Variants in ZFYVE16 observed in about 807,000 individuals in gnomAD.
ZFYVE16 encodes the protein zinc finger FYVE-type containing 16.
A neutral mutation model predicts 138.1 loss-of-function variants in ZFYVE16; 89 were observed. The observed-to-expected ratio is 0.64, with a 90% CI of 0.54 to 0.77. The LOEUF is 0.77. Among genes scored for constraint, ZFYVE16 ranks in the 30% least tolerant of loss-of-function variants. The pLI, the probability that ZFYVE16 is intolerant of heterozygous loss-of-function variation, is 0.00. For synonymous variants in ZFYVE16, 596 were observed against 618.3 expected, an observed-to-expected ratio of 0.96 and a Z score of 0.53; for missense variants, 1,793 against 1,786.7, an observed-to-expected ratio of 1.00 and a Z score of -0.06.
chr5:80,416,623 G>T (rs1746300686), intron 1 of ZFYVE16, among the ~76,000 whole-genome samples: 1 of 150,844 alleles, frequency 6.6e-6, no homozygotes. Flanking sequence ...TCCCAGCTTT[G>T]GCCTTTGGGA....
At chr5:80,444,265 T>C (rs367963100) in intron 6 of ZFYVE16, among the ~76,000 whole-genome samples, 1 of 152,272 alleles carries the variant, frequency 6.6e-6, no homozygotes, top group East Asian at 1.9e-4. Flanking sequence ...AGATGAATAA[T>C]TTGTGTTTGA....
chr5:80,464,214 C>T (rs1000937185), intron 15 of ZFYVE16, among the ~76,000 whole-genome samples: 1 of 151,928 alleles, frequency 6.6e-6, no homozygotes, highest in Non-Finnish European at 1.5e-5. Context: ...AGGACATACC[C>T]GAGACTGGGT....
At chr5:80,444,108 A>G (rs1176445736) in intron 6 of ZFYVE16, among the ~76,000 whole-genome samples, 1 of 152,208 alleles carries the variant, frequency 6.6e-6, no homozygotes, top group Non-Finnish European at 1.5e-5. Flanking sequence ...AGTCTGTAAC[A>G]TGCTAGAAAA....
In ZFYVE16 at chr5:80,455,769, CTTG is replaced by C. The variant is rs1353323588; in HGVS notation, c.3690_3690+2del. On this transcript the variant is annotated inframe_deletion and splice_region_variant, in exon 12 of 19. Transcript: ENST00000505560. The stretch of plus-strand genomic sequence containing the variant: ...AATAGGACACACTATTATGAACTTA[CTTG>C]TTGTGAGTAATTGAACTATTTTATT... 3 of 1,572,498 alleles carry C rather than the reference CTTG, an allele frequency of 1.9e-6. No homozygotes were observed. The highest frequency in any genetic ancestry group is 2.3e-5 in the East Asian group (1 of 43,072).
intron 1 of ZFYVE16, among the ~76,000 whole-genome samples, chr5:80,417,570 A>G (rs1746440100): frequency 6.6e-6 from 1 of 152,202 alleles, no homozygotes; most frequent in South Asian, 2.1e-4. Context: ...AGAATGTTAC[A>G]TAATTAGAAT....
At chr5:80,411,939 T>C (rs141867286) in intron 1 of ZFYVE16, among the ~76,000 whole-genome samples, 2,414 of 152,222 alleles carry the variant, frequency 0.016, 34 homozygotes, top group Non-Finnish European at 0.025. Flanking sequence ...AACTTCTCAT[T>C]ATTTTGCCAC....
At chr5:80,469,204 G>C (rs777339859) in intron 15 of ZFYVE16, among the ~76,000 whole-genome samples, 3 of 151,282 alleles carry the variant, frequency 2.0e-5, no homozygotes, top group Non-Finnish European at 4.4e-5. Context: ...CAAGGCTCAG[G>C]CAGTCCTCCC....
At chr5:80,432,224 T>C (rs1749151249) in intron 2 of ZFYVE16, among the ~76,000 whole-genome samples, 1 of 152,190 alleles carries the variant, frequency 6.6e-6, no homozygotes, top group African/African-American at 2.4e-5. Context: ...ATGGTACTGG[T>C]ACCAAAACAG....
At chr5:80,442,573 C>T (rs1179653131) in intron 5 of ZFYVE16, among the ~76,000 whole-genome samples, 1 of 152,066 alleles carries the variant, frequency 6.6e-6, no homozygotes, top group Non-Finnish European at 1.5e-5. Flanking sequence ...GGAATACTTA[C>T]TTGAAGAACA....
At chr5:80,431,324 C>A (rs892879282) in intron 2 of ZFYVE16, among the ~76,000 whole-genome samples, 2 of 152,156 alleles carry the variant, frequency 1.3e-5, no homozygotes, top group South Asian at 2.1e-4. Flanking sequence ...ATAAACAGAA[C>A]CAAAGACAAA....
chr5:80,452,593 A>G (rs1254550081), intron 11 of ZFYVE16: 1 of 152,174 alleles, frequency 6.6e-6, no homozygotes, highest in African/African-American at 2.4e-5. Flanking sequence ...GCATATTAAG[A>G]AGATAAATCG....
chr5:80,469,825 T>A (rs1440130239), intron 15 of ZFYVE16, among the ~76,000 whole-genome samples: 1 of 150,996 alleles, frequency 6.6e-6, no homozygotes, highest in African/African-American at 2.4e-5. Context: ...TTTTTTGCCA[T>A]CTTTAGTCTA....
chr5:80,418,781 A>G (rs998899472), intron 1 of ZFYVE16, among the ~76,000 whole-genome samples: 4 of 152,210 alleles, frequency 2.6e-5, no homozygotes, highest in Non-Finnish European at 4.4e-5. Context: ...GATCAAACTT[A>G]CCATTTTTTC....
At position 80,481,160 on chromosome 5, in the gene ZFYVE16, C is replaced by G. The variant is rs1424653938; in HGVS notation, c.*3783C>G. On this transcript the variant is annotated 3_prime_UTR_variant, in exon 19 of 19. Transcript: ENST00000505560. ...CTTCTGGACTTTCCTTGCTCTACAT[C>G]AATCCCGCAGCAGTAAAGAGGTATC... Among the ~76,000 whole-genome samples the G allele has an allele frequency of 6.6e-6, 1 of 152,160 alleles. No individual in the cohort carries two copies. Among genetic ancestry groups the G allele is most frequent in the Admixed American group, 6.5e-5 (1 of 15,290 alleles).
chr5:80,472,913 G>A lies in ZFYVE16; in HGVS notation c.4177G>A (p.Gly1393Arg). 6.3e-7 allele frequency: 1 copy of A among 1,593,794 alleles called. No homozygotes were observed. Among genetic ancestry groups the A allele is most frequent in the Non-Finnish European group, 8.5e-7 (1 of 1,170,764 alleles). The change falls in exon 16 of 19, where the codon GGA (glycine) becomes AGA (arginine). Residue 1393 changes from glycine (G) to arginine (R), a missense_variant. Around this residue, in one of 2 missense-constraint regions of ZFYVE16, gnomAD observed 498 missense variants for 582.4 expected, o/e 0.86. Coordinates refer to ENST00000505560, the MANE Select transcript of ZFYVE16 (RefSeq NM_001284236.3). ...CTGCTGGGTAGATGCTGAAGAAAAA[G>A]GAAACAAAGGGTAGGAATTTTTTTA... The part of the protein sequence containing the change: ...DICWVDAEEK[G>R]NKGVISSVDG...
intron 1 of ZFYVE16, among the ~76,000 whole-genome samples, chr5:80,418,127 T>A (rs1374728004): frequency 6.6e-6 from 1 of 152,192 alleles, no homozygotes; most frequent in African/African-American, 2.4e-5. Context: ...AATTTTAAAA[T>A]TGGATTATTT....
At chr5:80,422,755 G>C (rs890800366) in intron 1 of ZFYVE16, among the ~76,000 whole-genome samples, 1 of 152,020 alleles carries the variant, frequency 6.6e-6, no homozygotes, top group Non-Finnish European at 1.5e-5. Context: ...GTCCAGCCTG[G>C]ATATTGTTTT....
intron 5 of ZFYVE16, chr5:80,440,982 A>C (rs1750645403): frequency 1.0e-6 from 1 of 984,866 alleles, no homozygotes; most frequent in African/African-American, 1.7e-5. Context: ...CCTGCTGTTG[A>C]CCTCTGCTCT....
chr5:80,449,436 T>C (rs893735354), intron 8 of ZFYVE16, among the ~76,000 whole-genome samples, 155 bp from the exon 9 acceptor site: 4 of 152,210 alleles, frequency 2.6e-5, no homozygotes, highest in Non-Finnish European at 5.9e-5. Flanking sequence ...AATTAGTATA[T>C]AACAGTTGTC....
Sources: gnomAD v4.1 joint callset for allele counts (sites outside exome capture counted in the v4.1 genomes callset) on GRCh38, gnomAD v4.1.1 for gene constraint, gnomAD v4.1.1 regional missense constraint, MANE v1.5 for transcripts, NCBI Gene and HGNC (gene_info 2026-07-23, HGNC 2026-07-21) for gene names.